ACACB: variants seen among roughly 807,000 people sequenced by gnomAD.
The protein encoded by ACACB is acetyl-CoA carboxylase 2.
Under a neutral mutation model 278.8 loss-of-function variants are expected in ACACB, and 209 were observed. That is an observed-to-expected ratio of 0.75 (90% CI 0.67 to 0.84). The LOEUF is 0.84. Ranked by LOEUF, ACACB falls within the 40% of genes least tolerant of loss-of-function variation. The probability of loss-of-function intolerance (pLI) is 0.00; values close to 1 mark genes in which losing one functional copy is unlikely to be tolerated. For missense variants in ACACB, 2,850 were observed against 3,269.0 expected (o/e 0.87, Z 3.13); for synonymous variants, 1,174 against 1,285.6 (o/e 0.91, Z 1.86).
At chr12:109,205,685 C>T (rs2045482571) in intron 19 of ACACB, among the ~76,000 whole-genome samples, 3 of 152,050 alleles carry the variant, frequency 2.0e-5, no homozygotes, top group Admixed American at 6.6e-5. Context: ...AACTCTTGAC[C>T]TCAGTTCATC....
chr12:109,235,683 G>T, intron 33 of ACACB, 36 bp downstream of exon 33: 1 of 1,581,302 alleles, frequency 6.3e-7, no homozygotes. Context: ...CTCTTCTCTA[G>T]CATCTTGTTT....
intron 2 of ACACB, among the ~76,000 whole-genome samples, chr12:109,142,674 C>T (rs2043149211): frequency 6.6e-6 from 1 of 152,112 alleles, no homozygotes; most frequent in Admixed American, 6.6e-5. Flanking sequence ...TCAAGCAATT[C>T]TCCTGCTTCA....
intron 21 of ACACB, among the ~76,000 whole-genome samples, chr12:109,211,523 G>T (rs1565930423): frequency 6.6e-6 from 1 of 152,072 alleles, no homozygotes; most frequent in Admixed American, 6.6e-5. Context: ...AGAGTGCTGG[G>T]ATTACAGGCA....
chr12:109,156,270 C>T (rs1444927080), intron 2 of ACACB, among the ~76,000 whole-genome samples: 1 of 151,880 alleles, frequency 6.6e-6, no homozygotes, highest in African/African-American at 2.4e-5. Flanking sequence ...TGGCTCATGC[C>T]TGTAATCCTA....
chr12:109,235,280 A>G (rs758287777), intron 31 of ACACB, 33 bp from the exon 32 acceptor site: 20 of 1,597,324 alleles, frequency 1.3e-5, no homozygotes, highest in Non-Finnish European at 1.6e-5. Context: ...ACGGCCAAAT[A>G]ATATTCCATT....
chr12:109,170,796 T>G (rs945534148), intron 4 of ACACB, among the ~76,000 whole-genome samples: 10 of 151,518 alleles, frequency 6.6e-5, no homozygotes, highest in Non-Finnish European at 1.5e-4. Flanking sequence ...TGTGTGTGTT[T>G]TTTTTTTTAC....
chr12:109,209,453 T>G, intron 21 of ACACB, 100 bp downstream of exon 21: 7 of 1,235,770 alleles, frequency 5.7e-6, no homozygotes, highest in Non-Finnish European at 7.9e-6. Flanking sequence ...TTGAACTCCT[T>G]GAGACCCACT....
chr12:109,184,096 A>G (rs915976818), intron 11 of ACACB, among the ~76,000 whole-genome samples: 1 of 150,642 alleles, frequency 6.6e-6, no homozygotes, highest in Non-Finnish European at 1.5e-5. Flanking sequence ...CCTTTCACCC[A>G]GGCTGGAGTG....
At chr12:109,211,177 G>A (rs1164328158) in intron 21 of ACACB, among the ~76,000 whole-genome samples, 4 of 151,824 alleles carry the variant, frequency 2.6e-5, no homozygotes, top group Non-Finnish European at 4.4e-5. Context: ...TGGGAAACCA[G>A]AGGACAGTGT....
In ACACB at chr12:109,246,098, AT is replaced by A. The variant is rs879197033; in HGVS notation, c.5302-80del. 3.7e-5 allele frequency: 54 copies of A among 1,452,208 alleles called. 1 individual carries two copies. The Middle Eastern group carries it at 6.0e-4, about 16-fold the overall frequency. The allele number at this position is 1,452,208 out of a possible 1,614,324, so 90.0% of individuals were successfully genotyped here. Reference sequence around the variant, plus strand: ...GAGCAAGACCCTGTATCTAAAAAAAATAATAATAACTAAAATAAAATAAAAA... The same window carrying A: ...GAGCAAGACCCTGTATCTAAAAAAAAAATAATAACTAAAATAAAATAAAAA... On this transcript the variant is annotated intron_variant, in intron 38 of 52. Coordinates refer to ENST00000338432, the MANE Select transcript of ACACB (RefSeq NM_001093.4).
chr12:109,241,046 C>A lies in ACACB; in HGVS notation c.4819-32C>A, dbSNP rs369185739. On this transcript the variant is annotated intron_variant, in intron 35 of 52. Coordinates refer to ENST00000338432, the MANE Select transcript of ACACB (RefSeq NM_001093.4). ...GCAAATGTCCTTGGGATGTCTTGGC[C>A]CTGAAACTGGAATTGCTGTGTTTTG... 4 of 1,607,028 alleles carry A rather than the reference C, an allele frequency of 2.5e-6. No homozygotes were observed. The African/African-American group carries it at 4.0e-5, about 16-fold the overall frequency.
In ACACB at chr12:109,209,923, A is replaced by G. The variant is rs1229315193; in HGVS notation, c.3249+570A>G. 5.1e-5 allele frequency among the ~76,000 whole-genome samples: 6 copies of G among 116,848 alleles called. 1 individual carries two copies. Among genetic ancestry groups the G allele is most frequent in the East Asian group, 2.8e-4 (1 of 3,628 alleles). 76.7% of individuals were successfully genotyped at this position (116,848 alleles called of 152,430 possible). The stretch of plus-strand genomic sequence containing the variant: ...CACACATACACACACGTGTGTATAT[A>G]TGTGTATACACACATACACACACGT... On this transcript the variant is annotated intron_variant, in intron 21 of 52. Coordinates refer to ENST00000338432, the MANE Select transcript of ACACB (RefSeq NM_001093.4).
At chr12:109,230,550 G>A (rs1029374478) in intron 28 of ACACB, among the ~76,000 whole-genome samples, 1 of 152,194 alleles carries the variant, frequency 6.6e-6, no homozygotes, top group African/African-American at 2.4e-5. Context: ...AGCTCCCTGT[G>A]TAGCTGGGAC....
intron 28 of ACACB, 49 bp downstream of exon 28, chr12:109,227,538 G>A (rs756541897): frequency 3.8e-6 from 6 of 1,561,336 alleles, no homozygotes; most frequent in Non-Finnish European, 4.4e-6. Context: ...TGTTCTTCCT[G>A]ACCTCTGTCG....
rs537586706 is a variant in ACACB, at chr12:109,251,161, C to T, written c.5791-885C>T. ...TGCATGCTTGAGCCCACCCACCCAG[C>T]TCCTGAGATCTTATGGGGAAGCTGC... On this transcript the variant is annotated intron_variant, in intron 41 of 52. Transcript: ENST00000338432. Among the ~76,000 whole-genome samples, 29 of 152,328 alleles carry T rather than the reference C, an allele frequency of 1.9e-4. 2 individuals are homozygous for T. The highest frequency in any genetic ancestry group is 3.4e-3 in the Middle Eastern group (1 of 294).
chr12:109,171,690 T>C, intron 4 of ACACB, 115 bp from the exon 5 acceptor site: 1 of 785,998 alleles, frequency 1.3e-6, no homozygotes, highest in Non-Finnish European at 2.1e-6. Flanking sequence ...ATTGTTACCA[T>C]AGAAATCTGC....
intron 44 of ACACB, among the ~76,000 whole-genome samples, chr12:109,254,765 A>T (rs1832290510): frequency 6.7e-6 from 1 of 149,868 alleles, no homozygotes; most frequent in South Asian, 2.1e-4. Flanking sequence ...CAGGATAGGC[A>T]ATCTGGTCTC....
intron 1 of ACACB, among the ~76,000 whole-genome samples, chr12:109,124,947 CAAACGATA>C (rs1176206928): frequency 5.9e-5 from 9 of 152,190 alleles, no homozygotes; most frequent in African/African-American, 2.2e-4. Flanking sequence ...AACCTGAGCT[CAAACGATA>C]CTCCCGCCTT....
intron 6 of ACACB, among the ~76,000 whole-genome samples, chr12:109,172,827 G>A (rs1288989964): frequency 6.6e-6 from 1 of 152,222 alleles, no homozygotes; most frequent in Non-Finnish European, 1.5e-5. Context: ...TATATACCCA[G>A]AGGAATTTAA....
Sources: gnomAD v4.1 joint callset for allele counts (sites outside exome capture counted in the v4.1 genomes callset) on GRCh38, gnomAD v4.1.1 for gene constraint, MANE v1.5 for transcripts, NCBI Gene and HGNC (gene_info 2026-07-23, HGNC 2026-07-21) for gene names.